The following SNX14 variants were observed in gnomAD, a reference collection of about 807,000 sequenced individuals.
SNX14 encodes sorting nexin-14.
A neutral mutation model predicts 133.8 loss-of-function variants in SNX14; 93 were observed. The ratio of observed to expected loss-of-function variants is 0.70; its 90% CI spans 0.59 to 0.83. The LOEUF is 0.83. Among genes scored for constraint, SNX14 ranks in the 40% least tolerant of loss-of-function variants. SNX14 has a pLI of 0.00. For synonymous variants in SNX14, 368 were observed against 365.6 expected (o/e 1.01, Z -0.07); for missense variants, 945 against 1,094.9 (o/e 0.86, Z 1.93).
intron 7 of SNX14, among the ~76,000 whole-genome samples, chr6:85,554,854 C>G (rs1249173344): frequency 6.6e-6 from 1 of 151,922 alleles, no homozygotes; most frequent in Non-Finnish European, 1.5e-5. Context: ...GGGTCTTGCT[C>G]TGTTGCCCAG....
chr6:85,584,065 A>T (rs146296918), intron 1 of SNX14, among the ~76,000 whole-genome samples: 9 of 152,318 alleles, frequency 5.9e-5, no homozygotes, highest in African/African-American at 2.2e-4. Flanking sequence ...AGACCAATGG[A>T]ACAGAACAGA....
intron 7 of SNX14, among the ~76,000 whole-genome samples, chr6:85,555,013 G>C (rs1378542188): frequency 6.6e-6 from 1 of 151,666 alleles, no homozygotes; most frequent in Non-Finnish European, 1.5e-5. Context: ...GTAGAGACAG[G>C]GTATCACTAT....
chr6:85,530,354 T>C (rs1024146450), intron 18 of SNX14, 79 bp from the exon 19 acceptor site: 17 of 972,224 alleles, frequency 1.7e-5, no homozygotes, highest in Non-Finnish European at 2.4e-5. Context: ...ACATTAAGAA[T>C]ACAAAGCTGG....
chr6:85,537,089 T>A lies in SNX14; in HGVS notation c.1476-165A>T, dbSNP rs113379724. On this transcript the variant is annotated intron_variant, in intron 16 of 28. Coordinates refer to ENST00000314673, the MANE Select transcript of SNX14 (RefSeq NM_153816.6). Reference sequence around the variant, plus strand: ...TTCATACACGGATTAAGTATCAACATCTCAGAAGTCAAAAATGACACAGTA... The same window carrying A: ...TTCATACACGGATTAAGTATCAACAACTCAGAAGTCAAAAATGACACAGTA... 9.5e-6 allele frequency: 5 copies of A among 526,766 alleles called. No homozygotes were observed. In the African/African-American group the frequency reaches 9.6e-5, roughly 10 times the overall value. The allele number at this position is 526,766 out of a possible 1,614,324, so 32.6% of individuals were successfully genotyped here. A position where few individuals can be genotyped will look rare whatever the true frequency, so the allele number is the denominator to read the frequency against.
chr6:85,550,912 C>T (rs1787596263), intron 7 of SNX14, among the ~76,000 whole-genome samples: 2 of 152,138 alleles, frequency 1.3e-5, no homozygotes, highest in Non-Finnish European at 2.9e-5. Context: ...TCCCAAGTAG[C>T]TGGGATTACA....
At chr6:85,514,427 G>A in intron 24 of SNX14, 79 bp downstream of exon 24, 1 of 1,529,248 alleles carries the variant, frequency 6.5e-7, no homozygotes, top group Admixed American at 1.9e-5. Context: ...TTATGATGGG[G>A]CAATACTCAA....
chr6:85,533,641 G>T lies in SNX14; in HGVS notation c.1768C>A (p.Pro590Thr). The T allele has an allele frequency of 2.5e-6, 4 of 1,613,568 alleles. No individual in the cohort carries two copies. Among genetic ancestry groups the T allele is most frequent in the Non-Finnish European group, 3.4e-6 (4 of 1,180,014 alleles). Residue 590 changes from proline to threonine, a missense_variant, in exon 18 of 29, where the codon CCT (proline) becomes ACT (threonine). Physicochemically the swap from Pro to Thr is conservative, Grantham distance 38. This residue lies in a region of SNX14 where 412 missense variants were observed against 516.6 expected (regional missense o/e 0.80). Transcript: ENST00000314673. ...SERKEKKERIPVFCIDVERND... is the reference protein window; with the variant it reads ...SERKEKKERITVFCIDVERND... ...CTTTCAACATCAATACAAAACACAG[G>T]AATTCTTTCTTTTTTCTCCTTCCTT...
chr6:85,557,733 T>C (rs1279970035), intron 7 of SNX14, among the ~76,000 whole-genome samples: 2 of 152,096 alleles, frequency 1.3e-5, no homozygotes, highest in African/African-American at 2.4e-5. Flanking sequence ...TTCAGAGAAA[T>C]AGATTACCAT....
chr6:85,514,197 A>T lies in SNX14; in HGVS notation c.2430T>A (p.His810Gln), dbSNP rs1214216787. The T allele has an allele frequency of 6.2e-7, 1 of 1,613,734 alleles. No individual in the cohort carries two copies. Among genetic ancestry groups the T allele is most frequent in the South Asian group, 1.1e-5 (1 of 90,970 alleles). Residue 810 changes from histidine (H) to glutamine (Q), a missense_variant, in exon 25 of 29, where the codon CAT (histidine) becomes CAA (glutamine). Physicochemically the swap from His to Gln is conservative, Grantham distance 24. This residue lies in a region of SNX14 where 412 missense variants were observed against 516.6 expected (regional missense o/e 0.80). Transcript: ENST00000314673. ...VVFQVPDWLH[H>Q]LLMGTRILFK... Reference sequence around the variant, plus strand: ...AGAGGATTCGAGTTCCCATTAAGAGATGATGAAGCCAGTCAGGAACCTGGA... The same window carrying T: ...AGAGGATTCGAGTTCCCATTAAGAGTTGATGAAGCCAGTCAGGAACCTGGA...
rs1176529149 is a variant in SNX14, at chr6:85,513,819, T to G, written c.2634A>C (p.Glu878Asp). 1 of 1,612,006 alleles carries G rather than the reference T, an allele frequency of 6.2e-7. No homozygotes were observed. The highest frequency in any genetic ancestry group is 2.2e-5 in the East Asian group (1 of 44,782). The part of the protein sequence containing the change: ...KQKGAKQTFE[E>D]MMNYIPDLLV... ...TTACACCTGGAATGTAATTCATCAT[T>G]TCTTCAAAAGTCTGTTTTGCTCCTT... The change falls in exon 26 of 29, where the codon GAA (glutamate) becomes GAC (aspartate). Residue 878 changes from glutamate to aspartate, a missense_variant. Transcript: ENST00000314673.
At chr6:85,532,937 A>G (rs2128002805) in intron 18 of SNX14, among the ~76,000 whole-genome samples, 1 of 151,962 alleles carries the variant, frequency 6.6e-6, no homozygotes, top group South Asian at 2.1e-4. Flanking sequence ...CCCAGGCTGG[A>G]GTGCAGTCAC....
chr6:85,558,774 A>G (rs1790577084), intron 6 of SNX14, among the ~76,000 whole-genome samples: 1 of 152,104 alleles, frequency 6.6e-6, no homozygotes, highest in East Asian at 1.9e-4. Flanking sequence ...CATGCCCAGC[A>G]TGAATCCTGG....
chr6:85,535,273 C>T (rs944828374), intron 17 of SNX14, among the ~76,000 whole-genome samples: 1 of 151,784 alleles, frequency 6.6e-6, no homozygotes, highest in East Asian at 1.9e-4. Context: ...CCTCAGTTTC[C>T]CAAAGTACTG....
chr6:85,520,973 A>G (rs954572419), intron 21 of SNX14, among the ~76,000 whole-genome samples: 1 of 152,158 alleles, frequency 6.6e-6, no homozygotes, highest in African/African-American at 2.4e-5. Context: ...CTGAGAGAGG[A>G]ACTGCTGGGT....
At chr6:85,533,460 A>C (rs1385174438) in intron 18 of SNX14, 139 bp downstream of exon 18, 1 of 760,872 alleles carries the variant, frequency 1.3e-6, no homozygotes, top group South Asian at 1.9e-5. Context: ...GCTTTCTTTC[A>C]ATTTTCTGTT....
intron 18 of SNX14, among the ~76,000 whole-genome samples, chr6:85,531,886 G>C (rs576381460): frequency 6.6e-6 from 1 of 152,088 alleles, no homozygotes; most frequent in East Asian, 1.9e-4. Flanking sequence ...AAATTAGCTG[G>C]GCGTGGTGAC....
At chr6:85,558,887 T>C (rs1205038381) in intron 6 of SNX14, among the ~76,000 whole-genome samples, 1 of 151,344 alleles carries the variant, frequency 6.6e-6, no homozygotes, top group East Asian at 1.9e-4. Flanking sequence ...GTGATCATGG[T>C]AGGTTAGTGA....
At chr6:85,580,256 T>C (rs1256287514) in intron 1 of SNX14, among the ~76,000 whole-genome samples, 1 of 152,090 alleles carries the variant, frequency 6.6e-6, no homozygotes, top group African/African-American at 2.4e-5. Context: ...GGAAACCCAC[T>C]GCCTTTAAAG....
At chr6:85,529,982 G>C (rs897646146) in intron 19 of SNX14, among the ~76,000 whole-genome samples, 1 of 151,952 alleles carries the variant, frequency 6.6e-6, no homozygotes, top group African/African-American at 2.4e-5. Flanking sequence ...TTTAAAAAAA[G>C]CATAAATGTA....
Sources: allele counts gnomAD v4.1 joint callset (sites outside exome capture counted in the v4.1 genomes callset), GRCh38; gene constraint gnomAD v4.1.1; regional missense constraint gnomAD v4.1.1; transcripts MANE v1.5; gene names NCBI Gene and HGNC (gene_info 2026-07-23, HGNC 2026-07-21).